Variants in GHR observed in about 807,000 individuals in gnomAD.
The protein encoded by GHR is GH receptor.
In GHR, 35 loss-of-function variants were observed where a neutral mutation model predicts 67.1. The observed-to-expected ratio is 0.52, with a 90% CI of 0.40 to 0.69. The LOEUF is 0.69. Ranked by LOEUF, GHR falls within the 30% of genes least tolerant of loss-of-function variation. GHR has a pLI of 0.00. For missense variants in GHR, 792 were observed against 764.6 expected, an observed-to-expected ratio of 1.04 and a Z score of -0.42; for synonymous variants, 272 against 269.1, an observed-to-expected ratio of 1.01 and a Z score of -0.10.
At chr5:42,507,152 G>A (rs907488964) in intron 1 of GHR, among the ~76,000 whole-genome samples, 29 of 152,178 alleles carry the variant, frequency 1.9e-4, no homozygotes, top group African/African-American at 7.0e-4. Context: ...CTAATGACTA[G>A]TTGAATAATT....
intron 1 of GHR, among the ~76,000 whole-genome samples, chr5:42,429,642 A>G (rs1251155058): frequency 6.6e-6 from 1 of 152,242 alleles, no homozygotes; most frequent in East Asian, 1.9e-4. Flanking sequence ...TCATGCCTGA[A>G]TGTACTATAA....
chr5:42,611,971 A>G (rs1752912939), intron 2 of GHR, among the ~76,000 whole-genome samples: 1 of 152,146 alleles, frequency 6.6e-6, no homozygotes, highest in Non-Finnish European at 1.5e-5. Context: ...AGACTATAAG[A>G]TTGTGGAATG....
chr5:42,659,247 G>T (rs929413016), intron 3 of GHR: 2 of 152,212 alleles, frequency 1.3e-5, no homozygotes, highest in African/African-American at 4.8e-5. Flanking sequence ...TTACTAGCAA[G>T]TTGCACAGCT....
chr5:42,425,176 C>CTGCATGG lies in GHR; in HGVS notation c.-12+1222_-12+1228dup, dbSNP rs143818203. ...AGGTTTTGGGGAGTTCTCAGGAGAACTGCATGGGAGGGCGTTTGGGAGGTC... is the reference window on the plus strand; with the variant it reads ...AGGTTTTGGGGAGTTCTCAGGAGAACTGCATGGTGCATGGGAGGGCGTTTGGGAGGTC... On this transcript the variant is annotated intron_variant, in intron 1 of 9. Coordinates refer to ENST00000230882, the MANE Select transcript of GHR (RefSeq NM_000163.5). 1,446 of 218,790 alleles carry CTGCATGG rather than the reference C, an allele frequency of 6.6e-3. 24 individuals carry two copies. The highest frequency in any genetic ancestry group is 0.032 in the African/African-American group (1,383 of 42,740). 13.6% of individuals were successfully genotyped at this position (218,790 alleles called of 1,614,324 possible).
At chr5:42,576,059 TAAA>T (rs1410654039) in intron 2 of GHR, among the ~76,000 whole-genome samples, 26 of 56,796 alleles carry the variant, frequency 4.6e-4, no homozygotes, top group African/African-American at 3.0e-3. Context: ...TAAAATAAAA[TAAA>T]ATAAAATAAA....
chr5:42,568,810 G>A (rs1401221828), intron 2 of GHR, among the ~76,000 whole-genome samples: 1 of 152,154 alleles, frequency 6.6e-6, no homozygotes, highest in South Asian at 2.1e-4. Flanking sequence ...ATAGATCAAG[G>A]TGGACTAGAA....
chr5:42,652,279 G>C (rs1755049772), intron 3 of GHR, among the ~76,000 whole-genome samples: 1 of 87,216 alleles, frequency 1.1e-5, no homozygotes, highest in Admixed American at 1.4e-4. Flanking sequence ...CTACAGTGTA[G>C]ATTTTTAAAA....
At chr5:42,548,580 A>C in intron 1 of GHR, 1 of 802,266 alleles carries the variant, frequency 1.2e-6, no homozygotes, top group Non-Finnish European at 1.5e-6. Flanking sequence ...GCTGATAGTC[A>C]GGGTTTTTTT....
At chr5:42,547,707 G>T (rs1041676882) in intron 1 of GHR, among the ~76,000 whole-genome samples, 1 of 152,132 alleles carries the variant, frequency 6.6e-6, no homozygotes, top group Non-Finnish European at 1.5e-5. Flanking sequence ...AAATTAAGAT[G>T]CAGGAATTTC....
chr5:42,678,137 A>G (rs962932831), intron 3 of GHR, among the ~76,000 whole-genome samples: 3 of 152,212 alleles, frequency 2.0e-5, no homozygotes, highest in African/African-American at 7.2e-5. Flanking sequence ...TTTACAGGTG[A>G]GGAAACTGAA....
At chr5:42,637,405 C>A (rs950164024) in intron 3 of GHR, among the ~76,000 whole-genome samples, 2 of 152,092 alleles carry the variant, frequency 1.3e-5, no homozygotes, top group Non-Finnish European at 2.9e-5. Flanking sequence ...TCCCCTTACC[C>A]AGGTATTGAG....
chr5:42,540,856 AT>A (rs1748481108), intron 1 of GHR, among the ~76,000 whole-genome samples: 1 of 151,798 alleles, frequency 6.6e-6, no homozygotes, highest in Non-Finnish European at 1.5e-5. Context: ...GTGTTCCCAT[AT>A]TTCATGCATT....
chr5:42,708,901 C>G (rs1758313078), intron 6 of GHR, among the ~76,000 whole-genome samples: 1 of 152,046 alleles, frequency 6.6e-6, no homozygotes, highest in African/African-American at 2.4e-5. Context: ...TTTCTTTATA[C>G]CTTTTATTCA....
intron 3 of GHR, among the ~76,000 whole-genome samples, chr5:42,651,441 A>G (rs1212917442): frequency 6.6e-6 from 1 of 152,216 alleles, no homozygotes; most frequent in East Asian, 1.9e-4. Flanking sequence ...TGGGGTTTCA[A>G]AGGAGCAGTC....
intron 1 of GHR, among the ~76,000 whole-genome samples, chr5:42,563,232 A>G (rs1261149923): frequency 6.6e-6 from 1 of 152,210 alleles, no homozygotes; most frequent in East Asian, 1.9e-4. Flanking sequence ...AGCAGGTGCT[A>G]CTGGAAACTT....
intron 1 of GHR, among the ~76,000 whole-genome samples, chr5:42,522,747 G>T (rs1473234951): frequency 6.6e-6 from 1 of 152,124 alleles, no homozygotes; most frequent in Non-Finnish European, 1.5e-5. Flanking sequence ...GTGGTTTTAA[G>T]AAAGAATCTG....
chr5:42,596,269 A>G (rs1168751141), intron 2 of GHR, among the ~76,000 whole-genome samples: 1 of 152,182 alleles, frequency 6.6e-6, no homozygotes, highest in Admixed American at 6.5e-5. Context: ...ATAATGTGTT[A>G]AATGGATGAA....
At chr5:42,473,223 T>C (rs971518473) in intron 1 of GHR, among the ~76,000 whole-genome samples, 1 of 151,878 alleles carries the variant, frequency 6.6e-6, no homozygotes, top group Non-Finnish European at 1.5e-5. Context: ...TTCTAAGTAG[T>C]TTCTTTTTGA....
At chr5:42,479,786 A>G (rs1579784870) in intron 1 of GHR, among the ~76,000 whole-genome samples, 1 of 151,580 alleles carries the variant, frequency 6.6e-6, no homozygotes, top group Non-Finnish European at 1.5e-5. Flanking sequence ...TTTCTTCTTT[A>G]TTAGTCTTGC....
Sources: gnomAD v4.1 joint callset for allele counts (sites outside exome capture counted in the v4.1 genomes callset) on GRCh38, gnomAD v4.1.1 for gene constraint, MANE v1.5 for transcripts, NCBI Gene and HGNC (gene_info 2026-07-23, HGNC 2026-07-21) for gene names.